The following SIL1 variants were observed in gnomAD, a reference collection of about 807,000 sequenced individuals.
SIL1 encodes the protein SIL1 nucleotide exchange factor.
Under a neutral mutation model 49.1 loss-of-function variants are expected in SIL1, and 40 were observed. The observed-to-expected ratio is 0.81, with a 90% CI of 0.63 to 1.06. The LOEUF (loss-of-function observed/expected upper bound fraction) is 1.06. Ranked by LOEUF, SIL1 falls within the 50% of genes least tolerant of loss-of-function variation. The pLI is 0.00. For synonymous variants in SIL1, 253 were observed against 250.8 expected (o/e 1.01, Z -0.08); for missense variants, 500 against 572.6 (o/e 0.87, Z 1.29).
chr5:139,113,898 G>A (rs1055824702), intron 3 of SIL1, among the ~76,000 whole-genome samples: 1 of 152,184 alleles, frequency 6.6e-6, no homozygotes, highest in Non-Finnish European at 1.5e-5. Context: ...AGACATTTGG[G>A]TGTCCCAACC....
intron 1 of SIL1, among the ~76,000 whole-genome samples, chr5:139,162,447 A>G (rs1395419687): frequency 6.6e-6 from 1 of 152,194 alleles, no homozygotes; most frequent in East Asian, 1.9e-4. Flanking sequence ...AAGCCTAGCA[A>G]CCACAAACTC....
At chr5:139,119,443 C>T (rs1443108790) in intron 3 of SIL1, among the ~76,000 whole-genome samples, 1 of 152,188 alleles carries the variant, frequency 6.6e-6, no homozygotes, top group African/African-American at 2.4e-5. Context: ...CTTCCATCTG[C>T]TCCAGGAACT....
At chr5:139,123,781 C>T (rs1335392548) in intron 2 of SIL1, among the ~76,000 whole-genome samples, 4 of 152,180 alleles carry the variant, frequency 2.6e-5, no homozygotes, top group Middle Eastern at 3.2e-3. Context: ...GCTGCTACTC[C>T]GCTGGTCTAC....
intron 1 of SIL1, among the ~76,000 whole-genome samples, chr5:139,143,298 TAC>T: frequency 9.2e-6 from 1 of 108,384 alleles, no homozygotes; most frequent in Non-Finnish European, 1.8e-5. Flanking sequence ...CATGTGTATA[TAC>T]ATATATACAC....
chr5:139,077,722 G>C (rs1302675759), intron 3 of SIL1, among the ~76,000 whole-genome samples: 1 of 152,240 alleles, frequency 6.6e-6, no homozygotes, highest in East Asian at 1.9e-4. Context: ...AGTCACTGGA[G>C]TGATGGGAGT....
chr5:139,016,473 T>C (rs1033158145), intron 7 of SIL1, among the ~76,000 whole-genome samples: 1 of 152,042 alleles, frequency 6.6e-6, no homozygotes, highest in Non-Finnish European at 1.5e-5. Context: ...GATAGTACCA[T>C]TATGGGAGAA....
chr5:139,111,739 A>AC (rs1367916861), intron 3 of SIL1, among the ~76,000 whole-genome samples: 1 of 152,184 alleles, frequency 6.6e-6, no homozygotes, highest in Non-Finnish European at 1.5e-5. Flanking sequence ...CCAGGAGTTT[A>AC]CATCATCTTT....
In SIL1 at chr5:139,115,357, A is replaced by G. The variant is rs559112965; in HGVS notation, c.244+5678T>C. Among the ~76,000 whole-genome samples, 6 of 152,284 alleles carry G rather than the reference A, an allele frequency of 3.9e-5. No homozygotes were observed. In the South Asian group the frequency reaches 1.2e-3, roughly 32 times the overall value. Reference sequence around the variant, plus strand: ...TGTTATTCCTACCAAACCCCTTTCAACTATGGGGCTTTTATACTGATTAGG... The same window carrying G: ...TGTTATTCCTACCAAACCCCTTTCAGCTATGGGGCTTTTATACTGATTAGG... On this transcript the variant is annotated intron_variant, in intron 3 of 9. Coordinates refer to ENST00000394817, the MANE Select transcript of SIL1 (RefSeq NM_022464.5).
chr5:139,061,396 T>C (rs1415909045), intron 3 of SIL1, among the ~76,000 whole-genome samples: 1 of 152,222 alleles, frequency 6.6e-6, no homozygotes, highest in African/African-American at 2.4e-5. Flanking sequence ...CATAGGCTCC[T>C]GCCTGGAAAC....
chr5:139,188,173 G>A (rs1012484357), intron 1 of SIL1: 1 of 152,302 alleles, frequency 6.6e-6, no homozygotes, highest in East Asian at 1.9e-4. Context: ...AGTATTCTCT[G>A]ATAAGCACAA....
intron 7 of SIL1, 161 bp downstream of exon 7, chr5:139,021,010 A>C (rs72788902): frequency 6.1e-6 from 6 of 982,288 alleles, no homozygotes; most frequent in Non-Finnish European, 9.4e-6. Context: ...ATGGGTAAAA[A>C]TTCCTATCTA....
At chr5:139,160,486 T>C (rs754646746) in intron 1 of SIL1, among the ~76,000 whole-genome samples, 22 of 152,190 alleles carry the variant, frequency 1.4e-4, no homozygotes, top group Non-Finnish European at 2.5e-4. Flanking sequence ...TACCTTCTGG[T>C]AACTACTAGA....
chr5:139,051,815 A>G (rs1769293254), intron 3 of SIL1, among the ~76,000 whole-genome samples: 1 of 152,252 alleles, frequency 6.6e-6, no homozygotes, highest in Non-Finnish European at 1.5e-5. Flanking sequence ...ATTCCTATGC[A>G]CTGCACAAAA....
intron 3 of SIL1, among the ~76,000 whole-genome samples, chr5:139,078,046 T>C (rs6882112): frequency 0.28 from 42,516 of 152,100 alleles, 6,445 homozygotes; most frequent in Middle Eastern, 0.4. Flanking sequence ...TTGTGCAATA[T>C]GGATGTATTT....
intron 7 of SIL1, among the ~76,000 whole-genome samples, chr5:138,975,664 G>A (rs899486457): frequency 1.5e-4 from 23 of 152,176 alleles, no homozygotes; most frequent in Admixed American, 1.2e-3. Flanking sequence ...TGATGATGTC[G>A]AATTCTAAGG....
intron 3 of SIL1, among the ~76,000 whole-genome samples, chr5:139,058,572 TG>T (rs1444129952): frequency 2.6e-5 from 4 of 152,334 alleles, no homozygotes; most frequent in African/African-American, 9.6e-5. Context: ...ATTATTTGTA[TG>T]AGTATGAACT....
intron 3 of SIL1, among the ~76,000 whole-genome samples, chr5:139,105,622 A>C (rs1770686082): frequency 6.6e-6 from 1 of 152,222 alleles, no homozygotes; most frequent in South Asian, 2.1e-4. Context: ...TGGGCTGTGC[A>C]TAATGCATGC....
Position 138,946,847 on chromosome 5 carries a change from C to T in SIL1, c.*270G>A, listed in dbSNP as rs1446859867. On this transcript the variant is annotated 3_prime_UTR_variant, in exon 10 of 10. Coordinates refer to ENST00000394817, the MANE Select transcript of SIL1 (RefSeq NM_022464.5). ...GAAGCAGAGACTTGCAACTCCTGGG[C>T]CCAGGTTCCTGCCCTGGAGCCTGTT... The T allele has an allele frequency of 1.9e-6, 1 of 523,566 alleles. No individual in the cohort carries two copies. Among genetic ancestry groups the T allele is most frequent in the African/African-American group, 1.9e-5 (1 of 52,426 alleles). The allele number at this position is 523,566 out of a possible 1,614,324, so 32.4% of individuals were successfully genotyped here.
chr5:139,050,037 G>A (rs1297175381), intron 4 of SIL1, among the ~76,000 whole-genome samples: 1 of 152,198 alleles, frequency 6.6e-6, no homozygotes, highest in Non-Finnish European at 1.5e-5. Flanking sequence ...GAGCATGGCT[G>A]TGTCCCATTA....
Sources: gnomAD v4.1 joint callset for allele counts (sites outside exome capture counted in the v4.1 genomes callset) on GRCh38, gnomAD v4.1.1 for gene constraint, MANE v1.5 for transcripts, NCBI Gene and HGNC (gene_info 2026-07-23, HGNC 2026-07-21) for gene names.